Variants in MOV10L1 observed in about 807,000 individuals in gnomAD.
The protein encoded by MOV10L1 is RNA helicase Mov10l1.
In MOV10L1, 110 loss-of-function variants were observed where a neutral mutation model predicts 143.8. That is an observed-to-expected ratio of 0.76 (90% confidence interval 0.66 to 0.90). The LOEUF (loss-of-function observed/expected upper bound fraction) is 0.90. MOV10L1 is among the 40% of genes least tolerant of loss of function. The pLI is 0.00. For missense variants in MOV10L1, 1,406 were observed against 1,526.8 expected (o/e 0.92, Z 1.32); for synonymous variants, 593 against 581.1 (o/e 1.02, Z -0.29).
intron 8 of MOV10L1, 89 bp downstream of exon 8, chr22:50,115,335 C>T (rs182709817): frequency 1.7e-5 from 23 of 1,360,448 alleles, no homozygotes; most frequent in African/African-American, 1.7e-4. Flanking sequence ...TCCTTTGTGG[C>T]GGGTGGATCA....
At position 50,134,602 on chromosome 22, in the gene MOV10L1, A is replaced by G; in HGVS notation, c.2042A>G (p.Lys681Arg). 6.2e-7 allele frequency: 1 copy of G among 1,614,214 alleles called. No homozygotes were observed. The highest frequency in any genetic ancestry group is 8.5e-7 in the Non-Finnish European group (1 of 1,180,024). ...TGNWNHAQDT[K>R]SSGQSTSKKN... Reference sequence around the variant, plus strand: ...AATTGGAACCATGCACAAGACACCAAAAGCAGTGGACAGTCCACCAGCAAA... The same window carrying G: ...AATTGGAACCATGCACAAGACACCAGAAGCAGTGGACAGTCCACCAGCAAA... Residue 681 changes from lysine to arginine, a missense_variant, in exon 15 of 27, where the codon AAA (lysine) becomes AGA (arginine). This residue lies in a region of MOV10L1 where 1,233 missense variants were observed against 1,351.4 expected (regional missense o/e 0.91). Transcript: ENST00000262794.
chr22:50,148,341 C>T (rs2063207307), intron 19 of MOV10L1, among the ~76,000 whole-genome samples: 1 of 152,236 alleles, frequency 6.6e-6, no homozygotes, highest in African/African-American at 2.4e-5. Context: ...CTCATGGCCC[C>T]AGGTGGGGTG....
chr22:50,140,311 A>G (rs541166931), intron 15 of MOV10L1, among the ~76,000 whole-genome samples: 1 of 152,238 alleles, frequency 6.6e-6, no homozygotes, highest in African/African-American at 2.4e-5. Flanking sequence ...TCTATTTGTC[A>G]TCTTGATTGT....
At position 50,145,689 on chromosome 22, in the gene MOV10L1, A is replaced by T; in HGVS notation, c.2506A>T (p.Ile836Leu). The T allele has an allele frequency of 6.2e-7, 1 of 1,614,052 alleles. No individual in the cohort carries two copies. Among genetic ancestry groups the T allele is most frequent in the Non-Finnish European group, 8.5e-7 (1 of 1,179,996 alleles). ...TAACTCTACGCCTCCTTGCCCCCAG[A>T]TAGTTATTGACGCCGTCAAACCGTA... is the stretch of plus-strand genomic sequence containing the variant. ...RVNATCRFEEIVIDAVKPYCR... is the reference protein window; with the variant it reads ...RVNATCRFEELVIDAVKPYCR... The change falls in exon 19 of 27, where the codon ATA becomes TTA. Residue 836 changes from isoleucine to leucine, a missense_variant and splice_region_variant. By Grantham distance (5) the Ile-to-Leu change is conservative (BLOSUM62 2). Around this residue, in one of 3 missense-constraint regions of MOV10L1, gnomAD observed 1,233 missense variants for 1,351.4 expected, o/e 0.91. Transcript: ENST00000262794.
At chr22:50,156,276 C>G (rs2063426711) in intron 22 of MOV10L1, among the ~76,000 whole-genome samples, 1 of 151,954 alleles carries the variant, frequency 6.6e-6, no homozygotes, top group Non-Finnish European at 1.5e-5. Context: ...CCACCACGCC[C>G]AGCTAATTTT....
Position 50,149,711 on chromosome 22 carries a change from C to G in MOV10L1, c.2724C>G (p.Gly908=). The G allele has an allele frequency of 6.2e-7, 1 of 1,612,746 alleles. No individual in the cohort carries two copies. Among genetic ancestry groups the G allele is most frequent in the Non-Finnish European group, 8.5e-7 (1 of 1,179,270 alleles). The change falls in exon 20 of 27, where the codon GGC becomes GGG. Residue 908 remains glycine (G), a synonymous_variant. Transcript: ENST00000262794. ...IPLGLMSDIS[G]QIVLAGDPMQ... ...TGGGGCTGATGTCGGACATCAGTGG[C>G]CAGGTAAGTCCCGACTACTGTGTGT...
In MOV10L1 at chr22:50,161,352, T is replaced by C. The variant is rs1569059226; in HGVS notation, c.3555-16T>C. On this transcript the variant is annotated splice_polypyrimidine_tract_variant and intron_variant, in intron 26 of 26. Coordinates refer to ENST00000262794, the MANE Select transcript of MOV10L1 (RefSeq NM_018995.3). ...GAGCCTGGCTCACTGGCCATCCGCT[T>C]CTCCTCTGTCTACAGCTGTGGCGAG... The C allele has an allele frequency of 6.4e-7, 1 of 1,562,472 alleles. No individual in the cohort carries two copies. Among genetic ancestry groups the C allele is most frequent in the East Asian group, 2.3e-5 (1 of 42,982 alleles).
intron 4 of MOV10L1, 182 bp downstream of exon 4, chr22:50,108,430 C>A: frequency 2.6e-6 from 2 of 760,330 alleles, no homozygotes; most frequent in Non-Finnish European, 2.3e-6. Context: ...ACAATAACTC[C>A]TAGTGCTTGC....
intron 24 of MOV10L1, 35 bp from the exon 25 acceptor site, chr22:50,160,653 A>C (rs1342556901): frequency 1.3e-6 from 2 of 1,590,626 alleles, no homozygotes; most frequent in Non-Finnish European, 1.7e-6. Flanking sequence ...CAAAAACTTC[A>C]AGTGCCATTT....
chr22:50,154,986 C>T (rs2063389536), intron 22 of MOV10L1, among the ~76,000 whole-genome samples: 1 of 152,150 alleles, frequency 6.6e-6, no homozygotes, highest in Non-Finnish European at 1.5e-5. Context: ...CTTTTAGTGA[C>T]ATAAATCAGC....
chr22:50,150,737 C>G lies in MOV10L1; in HGVS notation c.2730C>G (p.Ile910Met), dbSNP rs775722614. 1.2e-6 allele frequency: 2 copies of G among 1,613,698 alleles called. No individual in the cohort carries two copies. Among genetic ancestry groups the G allele is most frequent in the African/African-American group, 1.3e-5 (1 of 75,020 alleles). ...LGLMSDISGQIVLAGDPMQLG... is the reference protein window; with the variant it reads ...LGLMSDISGQMVLAGDPMQLG... ...TGAGACGGGCCCTCTGTGTGCAGATCGTGCTGGCAGGAGACCCCATGCAGC... is the reference window on the plus strand; with the variant it reads ...TGAGACGGGCCCTCTGTGTGCAGATGGTGCTGGCAGGAGACCCCATGCAGC... Residue 910 changes from isoleucine (I) to methionine (M), a missense_variant and splice_region_variant, in exon 21 of 27, where the codon ATC becomes ATG. Coordinates refer to ENST00000262794, the MANE Select transcript of MOV10L1 (RefSeq NM_018995.3).
At position 50,143,038 on chromosome 22, in the gene MOV10L1, T is replaced by A. The variant is rs1276872610; in HGVS notation, c.2180-5T>A. ...TAACTGAAACTTTCTTCACTTTGAA[T>A]ACAGTAGATGAAATTCAGACCCCTA... On this transcript the variant is annotated splice_polypyrimidine_tract_variant and splice_region_variant and intron_variant, in intron 16 of 26. Coordinates refer to ENST00000262794, the MANE Select transcript of MOV10L1 (RefSeq NM_018995.3). The A allele has an allele frequency of 1.2e-6, 2 of 1,613,502 alleles. No individual in the cohort carries two copies. Among genetic ancestry groups the A allele is most frequent in the Middle Eastern group, 1.7e-4 (1 of 6,060 alleles).
At chr22:50,131,605 G>A (rs1222210827) in intron 13 of MOV10L1, among the ~76,000 whole-genome samples, 1 of 151,908 alleles carries the variant, frequency 6.6e-6, no homozygotes, top group East Asian at 1.9e-4. Context: ...ATTAAGCTTT[G>A]CAAATTGTTT....
intron 22 of MOV10L1, among the ~76,000 whole-genome samples, chr22:50,156,191 C>T (rs576871465): frequency 6.3e-4 from 96 of 151,986 alleles, no homozygotes; most frequent in African/African-American, 2.3e-3. Flanking sequence ...TCTTGGCTCA[C>T]TGCAACCTCC....
intron 8 of MOV10L1, among the ~76,000 whole-genome samples, chr22:50,115,664 CT>C (rs1200974786): frequency 7.2e-5 from 11 of 152,232 alleles, no homozygotes; most frequent in Non-Finnish European, 1.6e-4. Flanking sequence ...GATCCTGTAA[CT>C]TCGCACGACT....
At chr22:50,090,598 T>A (rs2062406739) in intron 1 of MOV10L1, 1 of 1,503,582 alleles carries the variant, frequency 6.7e-7, no homozygotes, top group Admixed American at 2.0e-5. Context: ...TGCCATTTCC[T>A]TGTCTGGTTT....
At position 50,158,071 on chromosome 22, in the gene MOV10L1, G is replaced by A. The variant is rs542311382; in HGVS notation, c.3081G>A (p.Arg1027=). ...IFHGVRGSEA[R]EGKSPSWFNP... The stretch of plus-strand genomic sequence containing the variant: ...CATCAACCCAGGGCAGCGAGGCACG[G>A]GAGGGAAAAAGCCCATCGTGGTTCA... Residue 1027 remains arginine, a synonymous_variant, in exon 23 of 27, where the codon CGG becomes CGA. Coordinates refer to ENST00000262794, the MANE Select transcript of MOV10L1 (RefSeq NM_018995.3). This position sits in a 1 kb window ranked among gnomAD's most constrained non-coding sequence, Gnocchi z 5.0. 3.1e-5 allele frequency: 50 copies of A among 1,613,676 alleles called. No individual in the cohort carries two copies. The highest frequency in any genetic ancestry group is 3.5e-5 in the Non-Finnish European group (41 of 1,179,798).
At chr22:50,108,297 A>G (rs1210737852) in intron 4 of MOV10L1, 49 bp downstream of exon 4, 4 of 1,527,736 alleles carry the variant, frequency 2.6e-6, no homozygotes, top group Non-Finnish European at 1.8e-6. Context: ...CAGACCTGCC[A>G]TCAGGGGTAA....
At chr22:50,151,652 G>T (rs973654590) in intron 21 of MOV10L1, among the ~76,000 whole-genome samples, 2 of 152,196 alleles carry the variant, frequency 1.3e-5, no homozygotes, top group Non-Finnish European at 2.9e-5. Flanking sequence ...GGGCCCAGAG[G>T]GCGCCTGAGA....
Sources: gnomAD v4.1 joint callset for allele counts (sites outside exome capture counted in the v4.1 genomes callset) on GRCh38, gnomAD v4.1.1 for gene constraint, gnomAD v4.1.1 regional missense constraint, Gnocchi (gnomAD v3.1) non-coding constraint, MANE v1.5 for transcripts, NCBI Gene and HGNC (gene_info 2026-07-23, HGNC 2026-07-21) for gene names.